Variants in FANCL observed in about 807,000 individuals in gnomAD.
FANCL encodes E3 ubiquitin-protein ligase FANCL.
Under a neutral mutation model 59.4 loss-of-function variants are expected in FANCL, and 69 were observed. The observed-to-expected ratio is 1.16, with a 90% CI of 0.96 to 1.42. FANCL has a LOEUF of 1.42. FANCL is among the 40% of genes most tolerant of loss of function. The pLI is 0.00. For synonymous variants in FANCL, 180 were observed against 147.1 expected, an observed-to-expected ratio of 1.22 and a Z score of -1.62; for missense variants, 519 against 447.2, an observed-to-expected ratio of 1.16 and a Z score of -1.45.
intron 5 of FANCL, among the ~76,000 whole-genome samples, chr2:58,204,688 T>C (rs1690405832): frequency 6.6e-6 from 1 of 152,132 alleles, no homozygotes; most frequent in Non-Finnish European, 1.5e-5. Flanking sequence ...TACAAAAATC[T>C]AGCTGGTATT....
rs575916313 is a variant in FANCL, at chr2:58,163,104, T to C, written c.776-30A>G. 6.4e-6 allele frequency: 10 copies of C among 1,554,800 alleles called. No homozygotes were observed. The East Asian group carries it at 1.3e-4, about 21-fold the overall frequency. On this transcript the variant is annotated intron_variant, in intron 9 of 13. Coordinates refer to ENST00000233741, the MANE Select transcript of FANCL (RefSeq NM_018062.4). ...AGATTAAAAAAAAAAAATTTAATAA[T>C]TGCATGCTCTACTCTTGGTTTCTAA...
At chr2:58,240,366 G>C (rs576014162) in intron 1 of FANCL, among the ~76,000 whole-genome samples, 1 of 152,132 alleles carries the variant, frequency 6.6e-6, no homozygotes, top group Non-Finnish European at 1.5e-5. Flanking sequence ...GTAATGGTCA[G>C]AAAGGAAAAG....
rs765079182 is a variant in FANCL, at chr2:58,163,411, C to T, written c.775+23G>A. ...AGGATTTTATGACTCTATTAAAAAACGTTTAAATCTCAGATGTCATACCAT... is the reference window on the plus strand; with the variant it reads ...AGGATTTTATGACTCTATTAAAAAATGTTTAAATCTCAGATGTCATACCAT... On this transcript the variant is annotated intron_variant, in intron 9 of 13. Coordinates refer to ENST00000233741, the MANE Select transcript of FANCL (RefSeq NM_018062.4). The T allele has an allele frequency of 4.0e-6, 6 of 1,511,850 alleles. No homozygotes were observed. The Admixed American group carries it at 6.7e-5, about 17-fold the overall frequency. 93.7% of individuals were successfully genotyped at this position (1,511,850 alleles called of 1,614,324 possible). A position where few individuals can be genotyped will look rare whatever the true frequency, so the allele number is the denominator to read the frequency against.
chr2:58,163,571 C>G (rs1685533184), intron 8 of FANCL, 54 bp from the exon 9 acceptor site: 1 of 1,124,002 alleles, frequency 8.9e-7, no homozygotes, highest in Admixed American at 1.7e-5. Flanking sequence ...ATCAAACAAC[C>G]CAATAAAAAA....
chr2:58,159,621 A>G lies in FANCL; in HGVS notation c.*144T>C, dbSNP rs1443946873. 6.2e-7 allele frequency: 1 copy of G among 1,613,792 alleles called. No homozygotes were observed. The highest frequency in any genetic ancestry group is 8.5e-7 in the Non-Finnish European group (1 of 1,179,784). On this transcript the variant is annotated 3_prime_UTR_variant, in exon 14 of 14. Transcript: ENST00000233741. ...TTACTCTTAGTGAAGAGACAAACGC[A>G]GATGTTTATTATTATCGCATCATCA...
intron 5 of FANCL, among the ~76,000 whole-genome samples, chr2:58,208,768 C>A (rs1295668933): frequency 6.6e-6 from 1 of 152,198 alleles, no homozygotes; most frequent in African/African-American, 2.4e-5. Context: ...CGTGTCTTTA[C>A]TTCGTCTCTG....
intron 4 of FANCL, among the ~76,000 whole-genome samples, chr2:58,222,941 T>TA (rs1470030026): frequency 5.3e-5 from 8 of 152,030 alleles, no homozygotes; most frequent in Admixed American, 2.0e-4. Context: ...AATATAATCC[T>TA]AATAAAAGGT....
intron 4 of FANCL, among the ~76,000 whole-genome samples, chr2:58,222,560 TCAAG>T (rs1450833765): frequency 3.9e-5 from 6 of 152,068 alleles, no homozygotes; most frequent in African/African-American, 7.2e-5. Flanking sequence ...GTACTATTCT[TCAAG>T]CAGGTAAGTC....
At chr2:58,183,508 T>G (rs1455384658) in intron 7 of FANCL, among the ~76,000 whole-genome samples, 1 of 151,922 alleles carries the variant, frequency 6.6e-6, no homozygotes, top group African/African-American at 2.4e-5. Context: ...CTATTGAATC[T>G]TTATCCATGC....
In FANCL at chr2:58,226,929, C is replaced by T. The variant is rs1693068165; in HGVS notation, c.217-145G>A. On this transcript the variant is annotated intron_variant, in intron 3 of 13. Coordinates refer to ENST00000233741, the MANE Select transcript of FANCL (RefSeq NM_018062.4). ...AAACTATAAGAAATGAAGTATCGGTCATCAACTTTACTACTCCTACCAATT... is the reference window on the plus strand; with the variant it reads ...AAACTATAAGAAATGAAGTATCGGTTATCAACTTTACTACTCCTACCAATT... The T allele has an allele frequency of 9.9e-6, 7 of 704,038 alleles. No homozygotes were observed. In the South Asian group the frequency reaches 1.1e-4, roughly 11 times the overall value. 43.6% of individuals were successfully genotyped at this position (704,038 alleles called of 1,614,324 possible).
intron 5 of FANCL, among the ~76,000 whole-genome samples, chr2:58,217,215 TACACACACACACACACACACACAC>T (rs368257506): frequency 4.8e-5 from 1 of 20,862 alleles, no homozygotes; most frequent in Non-Finnish European, 8.6e-5. Flanking sequence ...TATATATATA[TACACACACACACACACACACACAC>T]ACACATATAT....
At position 58,183,031 on chromosome 2, in the gene FANCL, G is replaced by A. The variant is rs1050625144; in HGVS notation, c.540+15563C>T. Among the ~76,000 whole-genome samples, 9 of 151,862 alleles carry A rather than the reference G, an allele frequency of 5.9e-5. No homozygotes were observed. In the East Asian group the frequency reaches 1.7e-3, roughly 29 times the overall value. ...TAAAATGTCAACTTCTTAGAAGAGA[G>A]TAAATGTATAAAAATTGGGAGCCAT... On this transcript the variant is annotated intron_variant, in intron 7 of 13. Coordinates refer to ENST00000233741, the MANE Select transcript of FANCL (RefSeq NM_018062.4).
At chr2:58,214,461 A>G (rs1418926392) in intron 5 of FANCL, among the ~76,000 whole-genome samples, 1 of 152,100 alleles carries the variant, frequency 6.6e-6, no homozygotes, top group Non-Finnish European at 1.5e-5. Context: ...ACTATGATCA[A>G]CTACCTAAAT....
intron 7 of FANCL, among the ~76,000 whole-genome samples, chr2:58,175,990 C>G (rs961807250): frequency 6.6e-6 from 1 of 152,148 alleles, no homozygotes; most frequent in African/African-American, 2.4e-5. Flanking sequence ...ACACTAATAA[C>G]AGACAAACAG....
In FANCL at chr2:58,161,584, G is replaced by C; in HGVS notation, c.958C>G (p.Pro320Ala). ...TGAGAATTATCACACACTTGATCAG[G>C]AATGGTACCGTCAAGTTGATAAGCA... ...CYAYQLDGTI[P>A]DQVCDNSQCG... is the part of the protein sequence containing the mutation. Residue 320 changes from proline to alanine, a missense_variant, in exon 12 of 14, where the codon CCT (proline) becomes GCT (alanine). Coordinates refer to ENST00000233741, the MANE Select transcript of FANCL (RefSeq NM_018062.4). 2.5e-6 allele frequency: 4 copies of C among 1,611,582 alleles called. No individual in the cohort carries two copies. The highest frequency in any genetic ancestry group is 3.4e-6 in the Non-Finnish European group (4 of 1,178,130).
At chr2:58,195,885 T>C (rs1689378640) in intron 7 of FANCL, among the ~76,000 whole-genome samples, 1 of 152,116 alleles carries the variant, frequency 6.6e-6, no homozygotes, top group Non-Finnish European at 1.5e-5. Flanking sequence ...GCACATAGCC[T>C]GAAATCCAGC....
In FANCL at chr2:58,159,416, C is replaced by A; in HGVS notation, c.*349G>T. 6.2e-7 allele frequency: 1 copy of A among 1,613,374 alleles called. No individual in the cohort carries two copies. The highest frequency in any genetic ancestry group is 8.5e-7 in the Non-Finnish European group (1 of 1,179,646). ...CCTTTGAATGAAGTAAACAGTTTCCCACAAAAAATCAGCTATACACAATTC... is the reference window on the plus strand; with the variant it reads ...CCTTTGAATGAAGTAAACAGTTTCCAACAAAAAATCAGCTATACACAATTC... On this transcript the variant is annotated 3_prime_UTR_variant, in exon 14 of 14. Coordinates refer to ENST00000233741, the MANE Select transcript of FANCL (RefSeq NM_018062.4).
chr2:58,165,468 TAG>T (rs1685808434), intron 8 of FANCL, among the ~76,000 whole-genome samples: 1 of 152,210 alleles, frequency 6.6e-6, no homozygotes, highest in Non-Finnish European at 1.5e-5. Context: ...CTGTGCTAAT[TAG>T]CAGCTAATTA....
chr2:58,169,247 G>T (rs1686282509), intron 7 of FANCL, among the ~76,000 whole-genome samples: 1 of 152,168 alleles, frequency 6.6e-6, no homozygotes, highest in South Asian at 2.1e-4. Context: ...AACCTCCACT[G>T]GTGATACCCA....
Sources: gnomAD v4.1 joint callset for allele counts (sites outside exome capture counted in the v4.1 genomes callset) on GRCh38, gnomAD v4.1.1 for gene constraint, MANE v1.5 for transcripts, NCBI Gene and HGNC (gene_info 2026-07-23, HGNC 2026-07-21) for gene names.